Variants in NLN observed in about 807,000 individuals in gnomAD.
The protein encoded by NLN is neurolysin.
In NLN, 64 loss-of-function variants were observed where a neutral mutation model predicts 79.9. The ratio of observed to expected loss-of-function variants is 0.80; its 90% confidence interval spans 0.65 to 0.99. NLN has a LOEUF of 0.99. Ranked by LOEUF, NLN falls within the 50% of genes least tolerant of loss-of-function variation. The probability of loss-of-function intolerance (pLI) is 0.00; values close to 1 mark genes in which losing one functional copy is unlikely to be tolerated. For missense variants in NLN, 835 were observed against 858.7 expected, an observed-to-expected ratio of 0.97 and a Z score of 0.34; for synonymous variants, 267 against 296.6, an observed-to-expected ratio of 0.90 and a Z score of 1.02.
At chr5:65,792,781 CCTT>C in intron 9 of NLN, 126 bp downstream of exon 9, 1 of 856,296 alleles carries the variant, frequency 1.2e-6, no homozygotes, top group Non-Finnish European at 2.0e-6. Flanking sequence ...ATTTTATAGG[CCTT>C]CTGCAAAACC....
In NLN at chr5:65,822,841, A is replaced by G. The variant is rs745421145; in HGVS notation, c.2041A>G (p.Met681Val). 7 of 1,611,986 alleles carry G rather than the reference A, an allele frequency of 4.3e-6. No individual in the cohort carries two copies. In the South Asian group the frequency reaches 5.5e-5, roughly 13 times the overall value. The change falls in exon 13 of 13, where the codon ATG (methionine) becomes GTG (valine). Residue 681 changes from methionine (M) to valine (V), a missense_variant. Met to Val is a conservative substitution (Grantham distance 21, BLOSUM62 1). Transcript: ENST00000380985. ...KPGGSLDGMD[M>V]LHNFLKREPN... ...TGGGGGATCTCTGGACGGCATGGAC[A>G]TGCTCCACAATTTCTTGAAACGTGA...
chr5:65,788,307 A>G lies in NLN; in HGVS notation c.1148A>G (p.Tyr383Cys). 6.2e-7 allele frequency: 1 copy of G among 1,614,166 alleles called. No homozygotes were observed. The highest frequency in any genetic ancestry group is 8.5e-7 in the Non-Finnish European group (1 of 1,179,984). The change falls in exon 8 of 13, where the codon TAC (tyrosine) becomes TGC (cysteine). Residue 383 changes from tyrosine (Y) to cysteine (C), a missense_variant. Tyr to Cys is a radical substitution (Grantham distance 194). Coordinates refer to ENST00000380985, the MANE Select transcript of NLN (RefSeq NM_020726.5). ...ATAGACCAAGAGTTCCTCAAGGAATACTTCCCAATTGAGGTGGTCACTGAA... is the reference window on the plus strand; with the variant it reads ...ATAGACCAAGAGTTCCTCAAGGAATGCTTCCCAATTGAGGTGGTCACTGAA... Reference protein sequence around the residue: ...YSIDQEFLKEYFPIEVVTEGL... With the variant: ...YSIDQEFLKECFPIEVVTEGL...
rs147665906 is a variant in NLN, at chr5:65,770,519, G to T, written c.451-6908G>T. On this transcript the variant is annotated intron_variant, in intron 3 of 12. Transcript: ENST00000380985. The stretch of plus-strand genomic sequence containing the variant: ...GGCAAAGATTAAGAAAACCAACAAT[G>T]CCAAGTTATCTTTGTGGATATGGAT... Among the ~76,000 whole-genome samples, 241 of 152,268 alleles carry T rather than the reference G, an allele frequency of 1.6e-3. 3 individuals carry two copies. The highest frequency in any genetic ancestry group is 6.9e-3 in the Admixed American group (106 of 15,286).
rs2150746370 is a variant in NLN, at chr5:65,759,216, T to G, written c.301+390T>G. Among the ~76,000 whole-genome samples the G allele has an allele frequency of 1.3e-5, 2 of 152,284 alleles. 1 individual carries two copies. The highest frequency in any genetic ancestry group is 4.8e-5 in the African/African-American group (2 of 41,564). On this transcript the variant is annotated intron_variant, in intron 2 of 12. Coordinates refer to ENST00000380985, the MANE Select transcript of NLN (RefSeq NM_020726.5). ...AATTCCCAAATGTCAACTAATAGAT[T>G]AGATAAATAAATTATGAAACATCCA...
chr5:65,809,213 G>C (rs1362502874), intron 9 of NLN: 4 of 234,384 alleles, frequency 1.7e-5, no homozygotes, highest in African/African-American at 4.5e-5. Flanking sequence ...AAAGCTTAAG[G>C]CTTGTTTTTA....
At chr5:65,804,783 G>A (rs535217732) in intron 9 of NLN, among the ~76,000 whole-genome samples, 15 of 152,004 alleles carry the variant, frequency 9.9e-5, no homozygotes, top group Admixed American at 9.2e-4. Flanking sequence ...TGCCTACCTC[G>A]GCCTTCTGAA....
At chr5:65,757,390 G>A (rs13189716) in intron 1 of NLN, among the ~76,000 whole-genome samples, 9,729 of 152,158 alleles carry the variant, frequency 0.064, 641 homozygotes, top group African/African-American at 0.16. Flanking sequence ...AACTAGCTGC[G>A]TGGCTTTAGG....
At chr5:65,801,684 T>C (rs1453553569) in intron 9 of NLN, among the ~76,000 whole-genome samples, 1 of 152,248 alleles carries the variant, frequency 6.6e-6, no homozygotes, top group Non-Finnish European at 1.5e-5. Context: ...CTTTCATTCA[T>C]TTGCTGTGCT....
intron 9 of NLN, among the ~76,000 whole-genome samples, chr5:65,806,147 C>T (rs1760406213): frequency 6.6e-6 from 1 of 152,204 alleles, no homozygotes; most frequent in Admixed American, 6.5e-5. Flanking sequence ...CAGACAAGAG[C>T]TTGGATGGAG....
intron 4 of NLN, among the ~76,000 whole-genome samples, chr5:65,777,884 T>C (rs527462225): frequency 6.6e-6 from 1 of 152,352 alleles, no homozygotes; most frequent in East Asian, 1.9e-4. Flanking sequence ...GTATTTTGTA[T>C]TTAGTGGTTT....
At chr5:65,810,191 C>G in intron 11 of NLN, 26 bp downstream of exon 11, 1 of 1,607,526 alleles carries the variant, frequency 6.2e-7, no homozygotes, top group Non-Finnish European at 8.5e-7. Context: ...GAATTGAGTT[C>G]ATTTCTCTGT....
intron 7 of NLN, among the ~76,000 whole-genome samples, chr5:65,786,497 G>A (rs532933989): frequency 1.1e-4 from 16 of 152,250 alleles, no homozygotes; most frequent in South Asian, 2.1e-4. Flanking sequence ...TTCATGAGAC[G>A]TTTATGAAAT....
rs1760565870 is a variant in NLN, at chr5:65,812,267, C to G, written c.1856C>G (p.Pro619Arg). Residue 619 changes from proline to arginine, a missense_variant, in exon 12 of 13, where the codon CCA (proline) becomes CGA (arginine). By Grantham distance (103) the Pro-to-Arg change is moderately radical (BLOSUM62 -2). Coordinates refer to ENST00000380985, the MANE Select transcript of NLN (RefSeq NM_020726.5). ...TCTTTTTTTAAAGGCACAAATATGC[C>G]AGCTACCTTTGGACATTTGGCAGGG... ...GVAATPGTNMPATFGHLAGGY... is the reference protein window; with the variant it reads ...GVAATPGTNMRATFGHLAGGY... 6.2e-7 allele frequency: 1 copy of G among 1,613,308 alleles called. No homozygotes were observed.
In NLN at chr5:65,823,005, G is replaced by A. The variant is rs1561217543; in HGVS notation, c.*90G>A. The A allele has an allele frequency of 9.7e-7, 1 of 1,034,388 alleles. No homozygotes were observed. Among genetic ancestry groups the A allele is most frequent in the Non-Finnish European group, 1.4e-6 (1 of 694,516 alleles). 64.1% of individuals were successfully genotyped at this position (1,034,388 alleles called of 1,614,324 possible). A position where few individuals can be genotyped will look rare whatever the true frequency, so the allele number is the denominator to read the frequency against. On this transcript the variant is annotated 3_prime_UTR_variant, in exon 13 of 13. Transcript: ENST00000380985. Reference sequence around the variant, plus strand: ...CTGGAAACTGAAGGGAGTTTTGCAAGTGAAAATTTAGATTTCTATTGACAT... The same window carrying A: ...CTGGAAACTGAAGGGAGTTTTGCAAATGAAAATTTAGATTTCTATTGACAT...
At chr5:65,738,064 G>A (rs973910125) in intron 1 of NLN, among the ~76,000 whole-genome samples, 1 of 151,700 alleles carries the variant, frequency 6.6e-6, no homozygotes, top group Non-Finnish European at 1.5e-5. Context: ...GGGAGGCGGA[G>A]GTTGCAGTGA....
chr5:65,734,729 T>G (rs563894318), intron 1 of NLN, among the ~76,000 whole-genome samples: 1 of 152,310 alleles, frequency 6.6e-6, no homozygotes, highest in Admixed American at 6.5e-5. Flanking sequence ...CAGGTGGAGT[T>G]GTAGTGACTG....
At chr5:65,788,626 A>G (rs779684502) in intron 8 of NLN, 142 bp downstream of exon 8, 19 of 843,562 alleles carry the variant, frequency 2.3e-5, no homozygotes, top group Non-Finnish European at 3.4e-5. Context: ...GCTTGAGGCT[A>G]GGAGTTCGAG....
intron 1 of NLN, among the ~76,000 whole-genome samples, chr5:65,752,640 A>G (rs1013226840): frequency 6.6e-6 from 1 of 152,340 alleles, no homozygotes; most frequent in East Asian, 1.9e-4. Flanking sequence ...GACGAGATCA[A>G]TGTACCAGCA....
intron 7 of NLN, among the ~76,000 whole-genome samples, chr5:65,786,407 T>C (rs1320171885): frequency 1.3e-5 from 2 of 152,146 alleles, no homozygotes; most frequent in Admixed American, 6.5e-5. Flanking sequence ...AAATAATATG[T>C]ATAAAAACTG....
Sources: allele counts gnomAD v4.1 joint callset (sites outside exome capture counted in the v4.1 genomes callset), GRCh38; gene constraint gnomAD v4.1.1; transcripts MANE v1.5; gene names NCBI Gene and HGNC (gene_info 2026-07-23, HGNC 2026-07-21).